TFAP2D: variants seen among roughly 807,000 people sequenced by gnomAD.
TFAP2D encodes transcription factor AP-2 delta.
In TFAP2D, 9 loss-of-function variants were observed where a neutral mutation model predicts 43.6. That is an observed-to-expected ratio of 0.21 (90% CI 0.12 to 0.36). The LOEUF is 0.36. TFAP2D is among the 10% of genes least tolerant of loss of function. TFAP2D has a pLI of 1.00. For missense variants in TFAP2D, 513 were observed against 561.4 expected (o/e 0.91, Z 0.87); for synonymous variants, 256 against 224.9 (o/e 1.14, Z -1.24).
At chr6:50,738,577 C>T (rs185367873) in intron 5 of TFAP2D, among the ~76,000 whole-genome samples, 10 of 152,178 alleles carry the variant, frequency 6.6e-5, no homozygotes, top group African/African-American at 2.4e-4. Flanking sequence ...ATGTATGCTA[C>T]AGATCCAGTT....
At chr6:50,755,734 G>C (rs1769255500) in intron 7 of TFAP2D, among the ~76,000 whole-genome samples, 1 of 151,874 alleles carries the variant, frequency 6.6e-6, no homozygotes, top group Non-Finnish European at 1.5e-5. Flanking sequence ...GATCACTTGA[G>C]GCCAAGACTT....
chr6:50,719,040 T>C (rs373851241), intron 2 of TFAP2D, 50 bp from the exon 3 acceptor site: 28 of 1,568,850 alleles, frequency 1.8e-5, no homozygotes, highest in African/African-American at 9.5e-5. Flanking sequence ...TACGTGGTCA[T>C]GCATATGAGT....
chr6:50,742,954 AACACACACACACACACAC>A (rs3060372), intron 5 of TFAP2D, among the ~76,000 whole-genome samples: 9 of 139,600 alleles, frequency 6.4e-5, no homozygotes, highest in East Asian at 2.2e-4. Context: ...ACGACTTTAA[AACACACACACACACACAC>A]ACACACACAC....
At chr6:50,730,691 C>G (rs1768874633) in intron 5 of TFAP2D, among the ~76,000 whole-genome samples, 1 of 152,056 alleles carries the variant, frequency 6.6e-6, no homozygotes, top group African/African-American at 2.4e-5. Context: ...TTCTCAAACC[C>G]AACTCCACAG....
At chr6:50,736,549 T>G (rs1768965818) in intron 5 of TFAP2D, among the ~76,000 whole-genome samples, 1 of 152,182 alleles carries the variant, frequency 6.6e-6, no homozygotes, top group African/African-American at 2.4e-5. Context: ...CACAATATTA[T>G]GGATAAATAT....
At chr6:50,770,238 T>A (rs1221072472) in intron 7 of TFAP2D, among the ~76,000 whole-genome samples, 2 of 152,208 alleles carry the variant, frequency 1.3e-5, no homozygotes, top group Non-Finnish European at 2.9e-5. Flanking sequence ...TCCCCTCTAG[T>A]TGTCTCATTG....
rs372125238 is a variant in TFAP2D, at chr6:50,758,513, G to A, written c.1139+7189G>A. Among the ~76,000 whole-genome samples, 4 of 151,926 alleles carry A rather than the reference G, an allele frequency of 2.6e-5. No homozygotes were observed. In the South Asian group the frequency reaches 8.3e-4, roughly 32 times the overall value. ...ATGTCTTCCCTAGTTTTCTCTTCAA[G>A]GGTTATTCATTCCCATTTCCTTCAG... On this transcript the variant is annotated intron_variant, in intron 7 of 7. Coordinates refer to ENST00000008391, the MANE Select transcript of TFAP2D (RefSeq NM_172238.4).
intron 6 of TFAP2D, among the ~76,000 whole-genome samples, chr6:50,747,190 T>G (rs1040706238): frequency 1.3e-5 from 2 of 151,606 alleles, no homozygotes; most frequent in African/African-American, 4.9e-5. Context: ...TTGACTAAAT[T>G]TTTTTTCCAA....
At chr6:50,749,155 G>T (rs1769164897) in intron 6 of TFAP2D, among the ~76,000 whole-genome samples, 1 of 151,628 alleles carries the variant, frequency 6.6e-6, no homozygotes, top group Non-Finnish European at 1.5e-5. Flanking sequence ...TTAAGCTGTA[G>T]AATTAAATAT....
intron 7 of TFAP2D, among the ~76,000 whole-genome samples, chr6:50,768,452 G>A (rs910086858): frequency 2.0e-5 from 3 of 151,240 alleles, no homozygotes; most frequent in African/African-American, 4.9e-5. Context: ...TGCCACATTG[G>A]CATCTCAAGG....
chr6:50,749,137 T>A (rs1422842719), intron 6 of TFAP2D, among the ~76,000 whole-genome samples: 1 of 151,694 alleles, frequency 6.6e-6, no homozygotes, highest in Non-Finnish European at 1.5e-5. Flanking sequence ...AGCTTGAAAG[T>A]GAGTGAGTTA....
chr6:50,720,579 A>C (rs1768704799), intron 3 of TFAP2D, among the ~76,000 whole-genome samples: 1 of 151,644 alleles, frequency 6.6e-6, no homozygotes. Flanking sequence ...TTAAATGAGG[A>C]ATATTAAGCT....
chr6:50,766,917 C>T (rs1037587284), intron 7 of TFAP2D, among the ~76,000 whole-genome samples: 1 of 151,988 alleles, frequency 6.6e-6, no homozygotes, highest in Non-Finnish European at 1.5e-5. Context: ...ATCCACCCGC[C>T]TCGGCCTCCC....
intron 7 of TFAP2D, among the ~76,000 whole-genome samples, chr6:50,761,504 C>T (rs965630214): frequency 6.6e-6 from 1 of 151,868 alleles, no homozygotes; most frequent in African/African-American, 2.4e-5. Flanking sequence ...CTTTCATTTC[C>T]TTTATAACAC....
chr6:50,724,501 C>A (rs1276098560), intron 3 of TFAP2D, among the ~76,000 whole-genome samples: 3 of 152,122 alleles, frequency 2.0e-5, no homozygotes, highest in African/African-American at 7.2e-5. Flanking sequence ...GCCCAGCGCC[C>A]GGAAGCCCGC....
chr6:50,750,399 C>A (rs1769184620), intron 6 of TFAP2D, among the ~76,000 whole-genome samples: 1 of 151,902 alleles, frequency 6.6e-6, no homozygotes, highest in African/African-American at 2.4e-5. Context: ...CTTTGGCAAT[C>A]CTTTACTTTT....
chr6:50,722,973 C>A (rs1768753323), intron 3 of TFAP2D, among the ~76,000 whole-genome samples: 1 of 152,218 alleles, frequency 6.6e-6, no homozygotes, highest in South Asian at 2.1e-4. Flanking sequence ...GCGGACCCGG[C>A]CATGGGCAGG....
At chr6:50,759,375 A>C (rs983765263) in intron 7 of TFAP2D, among the ~76,000 whole-genome samples, 1 of 152,028 alleles carries the variant, frequency 6.6e-6, no homozygotes, top group Non-Finnish European at 1.5e-5. Context: ...GAGTCAATGC[A>C]GTTAAGCTGG....
chr6:50,723,672 G>A (rs1193392763), intron 3 of TFAP2D, among the ~76,000 whole-genome samples: 1 of 152,156 alleles, frequency 6.6e-6, no homozygotes, highest in Admixed American at 6.5e-5. Flanking sequence ...CCAGAAGCAT[G>A]ATTTGTTGGA....
Sources: allele counts gnomAD v4.1 joint callset (sites outside exome capture counted in the v4.1 genomes callset), GRCh38; gene constraint gnomAD v4.1.1; transcripts MANE v1.5; gene names NCBI Gene and HGNC (gene_info 2026-07-23, HGNC 2026-07-21).